CMTM4: variants seen among roughly 807,000 people sequenced by gnomAD.
The protein encoded by CMTM4 is CKLF like MARVEL transmembrane domain containing 4.
Under a neutral mutation model 19.0 loss-of-function variants are expected in CMTM4, and 8 were observed. That is an observed-to-expected ratio of 0.42 (90% confidence interval 0.25 to 0.76). The LOEUF (loss-of-function observed/expected upper bound fraction) is 0.76. Ranked by LOEUF, CMTM4 falls within the 30% of genes least tolerant of loss-of-function variation. The pLI, the probability that CMTM4 is intolerant of heterozygous loss-of-function variation, is 0.27. For missense variants in CMTM4, 228 were observed against 290.2 expected, an observed-to-expected ratio of 0.79 and a Z score of 1.56; for synonymous variants, 106 against 121.1, an observed-to-expected ratio of 0.88 and a Z score of 0.82.
intron 1 of CMTM4, among the ~76,000 whole-genome samples, chr16:66,685,652 T>A (rs776160390): frequency 2.0e-5 from 3 of 152,076 alleles, no homozygotes; most frequent in Non-Finnish European, 2.9e-5. Flanking sequence ...TTCTTTTTTG[T>A]TTGTTTTTTG....
At chr16:66,645,506 G>A (rs1209213712) in intron 1 of CMTM4, among the ~76,000 whole-genome samples, 4 of 151,920 alleles carry the variant, frequency 2.6e-5, no homozygotes, top group African/African-American at 9.7e-5. Context: ...GAACCCGGGA[G>A]GCAGAGGTTG....
At position 66,622,150 on chromosome 16, in the gene CMTM4, C is replaced by G. The variant is rs35412701; in HGVS notation, c.535G>C (p.Val179Leu). Reference protein sequence around the residue: ...FLAVQKWRVSVRQQSTNDYIR... With the variant: ...FLAVQKWRVSLRQQSTNDYIR... ...TAGTCATTGGTGCTCTGCTGGCGGA[C>G]GCTGACTCTCCATTTCTGCACTGCC... is the stretch of plus-strand genomic sequence containing the variant. Residue 179 changes from valine to leucine, a missense_variant, in exon 4 of 4, where the codon GTC (valine) becomes CTC (leucine). Val to Leu is a conservative substitution (Grantham distance 32). Coordinates refer to ENST00000394106, the MANE Select transcript of CMTM4 (RefSeq NM_181521.3). This position sits in a 1 kb window ranked among gnomAD's most constrained non-coding sequence, Gnocchi z 4.0. 18 of 1,613,414 alleles carry G rather than the reference C, an allele frequency of 1.1e-5. No individual in the cohort carries two copies. The highest frequency in any genetic ancestry group is 1.5e-5 in the Non-Finnish European group (18 of 1,179,810).
intron 1 of CMTM4, among the ~76,000 whole-genome samples, chr16:66,677,161 AG>A (rs2016823075): frequency 1.3e-5 from 2 of 152,210 alleles, no homozygotes; most frequent in African/African-American, 4.8e-5. Flanking sequence ...ACTTGGGACG[AG>A]GAAGGTTGAG....
intron 1 of CMTM4, among the ~76,000 whole-genome samples, chr16:66,695,488 C>T (rs1026161382): frequency 6.6e-5 from 10 of 152,120 alleles, no homozygotes; most frequent in African/African-American, 2.2e-4. Flanking sequence ...TAGAGCATGC[C>T]CACAACAGAG....
intron 1 of CMTM4, among the ~76,000 whole-genome samples, chr16:66,656,652 G>GA (rs147497033): frequency 3.7e-3 from 497 of 134,958 alleles, no homozygotes; most frequent in Middle Eastern, 7.5e-3. Context: ...TAACTACATA[G>GA]AAAAAAAAAA....
At chr16:66,689,097 A>T in intron 1 of CMTM4, among the ~76,000 whole-genome samples, 1 of 152,104 alleles carries the variant, frequency 6.6e-6, no homozygotes, top group Non-Finnish European at 1.5e-5. Context: ...GGACAGTTTT[A>T]TTTATTTCTG....
chr16:66,681,596 G>A (rs569172432), intron 1 of CMTM4, among the ~76,000 whole-genome samples: 18 of 152,216 alleles, frequency 1.2e-4, no homozygotes, highest in East Asian at 7.7e-4. Context: ...GAGCCACCGC[G>A]CCCAGCCTTC....
At chr16:66,683,286 CTTTTTT>C (rs781263895) in intron 1 of CMTM4, among the ~76,000 whole-genome samples, 30 of 78,840 alleles carry the variant, frequency 3.8e-4, no homozygotes, top group Non-Finnish European at 6.7e-4. Context: ...TTTTTCTTTT[CTTTTTT>C]TTTTTTTTTT....
chr16:66,601,111 G>C, the CMTM4 span, among the ~76,000 whole-genome samples: 2 of 145,488 alleles, frequency 1.4e-5, no homozygotes, highest in African/African-American at 2.7e-5. Flanking sequence ...GTGTGTCTGT[G>C]TGTGTGTGTG....
chr16:66,636,628 C>A (rs753577675), intron 1 of CMTM4, 47 bp from the exon 2 acceptor site: 2 of 1,457,916 alleles, frequency 1.4e-6, no homozygotes, highest in Non-Finnish European at 1.9e-6. Flanking sequence ...GTTTAGTATA[C>A]ATCTGCGGAC....
intron 1 of CMTM4, among the ~76,000 whole-genome samples, chr16:66,669,773 T>A (rs1328350531): frequency 4.6e-5 from 7 of 152,114 alleles, no homozygotes; most frequent in Admixed American, 2.6e-4. Context: ...CTCGATCTCC[T>A]GACCTTGTGA....
Position 66,631,241 on chromosome 16 carries a change from G to A in CMTM4, c.363+5164C>T, listed in dbSNP as rs1307426794. Among the ~76,000 whole-genome samples the A allele has an allele frequency of 8.2e-5, 12 of 147,048 alleles. No homozygotes were observed. The East Asian group carries it at 8.3e-4, about 10-fold the overall frequency. ...GGGTCAGCCCCCCGCCCGGCCAGCCGCCCCGTCCAGGAGGGAGGTGGGGGG... is the reference window on the plus strand; with the variant it reads ...GGGTCAGCCCCCCGCCCGGCCAGCCACCCCGTCCAGGAGGGAGGTGGGGGG... On this transcript the variant is annotated intron_variant, in intron 2 of 3. Coordinates refer to ENST00000394106, the MANE Select transcript of CMTM4 (RefSeq NM_181521.3).
intron 2 of CMTM4, among the ~76,000 whole-genome samples, chr16:66,625,044 C>A (rs553424399): frequency 1.3e-5 from 2 of 152,110 alleles, no homozygotes; most frequent in Non-Finnish European, 2.9e-5. Context: ...TATTCAGAAA[C>A]GAGGGGAAAA....
chr16:66,671,473 C>T (rs1445453874), intron 1 of CMTM4, among the ~76,000 whole-genome samples: 2 of 152,204 alleles, frequency 1.3e-5, no homozygotes, highest in East Asian at 3.8e-4. Context: ...ATGGAGAGAA[C>T]AACAATGGTT....
chr16:66,611,159 A>G (rs1318472196), downstream of CMTM4: 4 of 301,148 alleles, frequency 1.3e-5, no homozygotes, highest in South Asian at 3.3e-4. Flanking sequence ...ATATGTTAGA[A>G]TTGAATATAG....
chr16:66,623,633 GT>G, intron 2 of CMTM4, 131 bp from the exon 3 acceptor site: 2 of 577,904 alleles, frequency 3.5e-6, no homozygotes, highest in Non-Finnish European at 6.1e-6. Flanking sequence ...CAGTCTCAAT[GT>G]CACAGGGTTA....
At position 66,672,870 on chromosome 16, in the gene CMTM4, C is replaced by T. The variant is rs555257625; in HGVS notation, c.186+23470G>A. On this transcript the variant is annotated intron_variant, in intron 1 of 3. Transcript: ENST00000394106. ...TGAACTCCTGACCTCAAGTGATCCT[C>T]CCACCTCAGCCTCCCAAAGTGCTGG... Among the ~76,000 whole-genome samples the T allele has an allele frequency of 2.6e-5, 4 of 151,058 alleles. No individual in the cohort carries two copies. In the South Asian group the frequency reaches 8.4e-4, roughly 32 times the overall value.
intron 1 of CMTM4, among the ~76,000 whole-genome samples, chr16:66,677,329 G>A (rs1256584450): frequency 6.6e-6 from 1 of 152,246 alleles, no homozygotes; most frequent in Non-Finnish European, 1.5e-5. Context: ...TAGGGAAGGG[G>A]ACATGAGGCC....
At chr16:66,642,430 T>C (rs2016111996) in intron 1 of CMTM4, among the ~76,000 whole-genome samples, 1 of 152,120 alleles carries the variant, frequency 6.6e-6, no homozygotes, top group Non-Finnish European at 1.5e-5. Flanking sequence ...ATAAGTAAAC[T>C]GGGCCAGGTA....
Sources: allele counts gnomAD v4.1 joint callset (sites outside exome capture counted in the v4.1 genomes callset), GRCh38; gene constraint gnomAD v4.1.1; non-coding constraint Gnocchi (gnomAD v3.1); transcripts MANE v1.5; gene names NCBI Gene and HGNC (gene_info 2026-07-23, HGNC 2026-07-21).